The following PPIP5K2 variants were observed in gnomAD, a reference collection of about 807,000 sequenced individuals.
PPIP5K2 encodes the protein diphosphoinositol pentakisphosphate kinase 2.
A neutral mutation model predicts 154.6 loss-of-function variants in PPIP5K2; 105 were observed. The observed-to-expected ratio is 0.68, with a 90% CI of 0.58 to 0.80. The LOEUF (loss-of-function observed/expected upper bound fraction) is 0.80, where lower values mean the gene tolerates loss of function less well. Ranked by LOEUF, PPIP5K2 falls within the 30% of genes least tolerant of loss-of-function variation. The probability of loss-of-function intolerance (pLI) is 0.00; values close to 1 mark genes in which losing one functional copy is unlikely to be tolerated. For missense variants in PPIP5K2, 992 were observed against 1,504.6 expected (o/e 0.66, Z 5.64); for synonymous variants, 480 against 490.3 (o/e 0.98, Z 0.28).
intron 21 of PPIP5K2, among the ~76,000 whole-genome samples, chr5:103,175,641 A>G (rs2149714336): frequency 6.6e-6 from 1 of 152,226 alleles, no homozygotes; most frequent in Non-Finnish European, 1.5e-5. Flanking sequence ...TTGGGAAGCC[A>G]TTTAAAGGTT....
At chr5:103,133,322 CTTTG>C (rs1414226325) in intron 2 of PPIP5K2, 127 bp from the exon 3 acceptor site, 20 of 568,426 alleles carry the variant, frequency 3.5e-5, no homozygotes, top group Middle Eastern at 5.1e-4. Context: ...TTAAAAATTC[CTTTG>C]TTTGTTAATG....
chr5:103,183,943 CTAATT>C (rs531522923), intron 25 of PPIP5K2, among the ~76,000 whole-genome samples: 4 of 152,006 alleles, frequency 2.6e-5, no homozygotes, highest in Non-Finnish European at 5.9e-5. Flanking sequence ...TTGGAAGTAT[CTAATT>C]TAAGGAATAC....
intron 9 of PPIP5K2, among the ~76,000 whole-genome samples, chr5:103,152,260 A>G (rs1794749348): frequency 6.6e-6 from 1 of 151,972 alleles, no homozygotes; most frequent in Admixed American, 6.5e-5. Context: ...TGTTAAGATG[A>G]ACACAATATT....
Position 103,138,469 on chromosome 5 carries a change from GGTAAGA to G in PPIP5K2, c.487+8_487+13del. On this transcript the variant is annotated splice_donor_variant and splice_donor_5th_base_variant and intron_variant, in intron 5 of 30. Transcript: ENST00000358359. LOFTEE classifies it high-confidence loss of function. Reference sequence around the variant, plus strand: ...GAACCGTGACCCAAATAATCCCAAAGGTAAGAGTAAGAGATTTTAGGTAAGCTTCCT... The same window carrying G: ...GAACCGTGACCCAAATAATCCCAAAGGTAAGAGATTTTAGGTAAGCTTCCT... 1 of 1,588,892 alleles carries G rather than the reference GGTAAGA, an allele frequency of 6.3e-7. No homozygotes were observed. Among genetic ancestry groups the G allele is most frequent in the Non-Finnish European group, 8.6e-7 (1 of 1,160,878 alleles).
chr5:103,164,236 A>T (rs1796794138), intron 17 of PPIP5K2, among the ~76,000 whole-genome samples: 1 of 151,896 alleles, frequency 6.6e-6, no homozygotes, highest in African/African-American at 2.4e-5. Flanking sequence ...TCATAACATT[A>T]TACTTTTTTC....
rs540915874 is a variant in PPIP5K2 at position 103,145,155 on chromosome 5, T to C, written c.488-1372T>C. Reference sequence around the variant, plus strand: ...AATGGCCAATAGGTATATGAAAATATGCTCAACGTCACCAATCATCAGAGA... The same window carrying C: ...AATGGCCAATAGGTATATGAAAATACGCTCAACGTCACCAATCATCAGAGA... On this transcript the variant is annotated intron_variant, in intron 5 of 30. Coordinates refer to ENST00000358359, the MANE Select transcript of PPIP5K2 (RefSeq NM_001276277.3). Among the ~76,000 whole-genome samples, 4 of 152,232 alleles carry C rather than the reference T, an allele frequency of 2.6e-5. No homozygotes were observed. The South Asian group carries it at 8.3e-4, about 32-fold the overall frequency.
At chr5:103,136,951 A>G in intron 4 of PPIP5K2, 129 bp downstream of exon 4, 2 of 685,594 alleles carry the variant, frequency 2.9e-6, no homozygotes, top group East Asian at 2.5e-5. Context: ...ATACTCAGAA[A>G]TAGTTATTTA....
Position 103,206,441 on chromosome 5 carries a change from A to C in PPIP5K2, c.*4807A>C, listed in dbSNP as rs544193418. 6.6e-6 allele frequency: 1 copy of C among 152,048 alleles called. No individual in the cohort carries two copies. Among genetic ancestry groups the C allele is most frequent in the African/African-American group, 2.4e-5 (1 of 41,384 alleles). The allele number at this position is 152,048 out of a possible 1,614,324, so 9.4% of individuals were successfully genotyped here. On this transcript the variant is annotated 3_prime_UTR_variant, in exon 31 of 31. Coordinates refer to ENST00000358359, the MANE Select transcript of PPIP5K2 (RefSeq NM_001276277.3). The stretch of plus-strand genomic sequence containing the variant: ...ATTGAGCCAACTTCTTTGATCATCT[A>C]CTCACCCCTAGATAAATAGAATACT...
chr5:103,140,766 G>A (rs1400830843), intron 5 of PPIP5K2, among the ~76,000 whole-genome samples: 4 of 150,286 alleles, frequency 2.7e-5, no homozygotes, highest in African/African-American at 4.9e-5. Context: ...GAACCCGGAA[G>A]GCGGAGCTTG....
rs573029612 is a variant in PPIP5K2, at chr5:103,210,839, A to G, written c.*9205A>G. On this transcript the variant is annotated 3_prime_UTR_variant, in exon 31 of 31. Transcript: ENST00000358359. ...ATAGCTTTTTGTTATTATCCAGAAT[A>G]CATTTAGTTCTGGATTTTGTTTGAT... 3.9e-5 allele frequency: 6 copies of G among 152,282 alleles called. No homozygotes were observed. The South Asian group carries it at 6.2e-4, about 16-fold the overall frequency. 9.4% of individuals were successfully genotyped at this position (152,282 alleles called of 1,614,324 possible). A position where few individuals can be genotyped will look rare whatever the true frequency, so the allele number is the denominator to read the frequency against.
At chr5:103,131,322 A>G (rs561851930) in intron 2 of PPIP5K2, among the ~76,000 whole-genome samples, 126 of 152,290 alleles carry the variant, frequency 8.3e-4, no homozygotes, top group Non-Finnish European at 1.6e-3. Context: ...AATCATCCCT[A>G]AATTACTTAT....
intron 18 of PPIP5K2, among the ~76,000 whole-genome samples, chr5:103,167,834 C>G (rs143159390): frequency 6.6e-6 from 1 of 151,928 alleles, no homozygotes; most frequent in East Asian, 1.9e-4. Context: ...AAAATTGTTG[C>G]TCTTTTTCTT....
intron 17 of PPIP5K2, 106 bp from the exon 18 acceptor site, chr5:103,167,073 G>A (rs1401965336): frequency 2.4e-6 from 2 of 846,100 alleles, no homozygotes; most frequent in Non-Finnish European, 1.7e-6. Flanking sequence ...TTTAATTTCT[G>A]CTATGGAATT....
rs544122017 is a variant in PPIP5K2 at position 103,120,359 on chromosome 5, C to T, written c.-414C>T. 4.4e-6 allele frequency: 2 copies of T among 455,132 alleles called. No homozygotes were observed. Among genetic ancestry groups the T allele is most frequent in the African/African-American group, 2.0e-5 (1 of 50,152 alleles). 28.2% of individuals were successfully genotyped at this position (455,132 alleles called of 1,614,324 possible). On this transcript the variant is annotated 5_prime_UTR_variant, in exon 1 of 31. In the 5' UTR this introduces an upstream ATG that the reference lacks. Transcript: ENST00000358359. Reference sequence around the variant, plus strand: ...AGCTGTTACTGAAGGAAGTAGCCTACGTCCACGCCTACAACTGAAGTCTCT... The same window carrying T: ...AGCTGTTACTGAAGGAAGTAGCCTATGTCCACGCCTACAACTGAAGTCTCT...
intron 27 of PPIP5K2, 132 bp downstream of exon 27, chr5:103,186,571 T>G (rs1800419456): frequency 1.6e-6 from 2 of 1,251,958 alleles, no homozygotes. Context: ...CCTAAATGAC[T>G]ATCAGTGCTC....
At chr5:103,130,955 T>G (rs1369972954) in intron 2 of PPIP5K2, among the ~76,000 whole-genome samples, 2 of 152,154 alleles carry the variant, frequency 1.3e-5, no homozygotes, top group Non-Finnish European at 2.9e-5. Context: ...ACATCAAAAT[T>G]TTTATTTCCA....
chr5:103,162,869 A>G (rs1259335274), intron 17 of PPIP5K2, among the ~76,000 whole-genome samples: 3 of 152,082 alleles, frequency 2.0e-5, no homozygotes, highest in Admixed American at 1.3e-4. Context: ...TGTGTGTGCT[A>G]TGAGCTAAGA....
In PPIP5K2 at chr5:103,146,571, G is replaced by A; in HGVS notation, c.532G>A (p.Glu178Lys). ...GGAAGATCATGTAGAAGTAAATGGG[G>A]AAGTTTTTCAAAAGCCATTTGTAGA... ...EGEDHVEVNG[E>K]VFQKPFVEKP... The change falls in exon 6 of 31, where the codon GAA becomes AAA. Residue 178 changes from glutamate to lysine, a missense_variant. By Grantham distance (56) the Glu-to-Lys change is moderately conservative. Transcript: ENST00000358359. 6.2e-7 allele frequency: 1 copy of A among 1,612,026 alleles called. No individual in the cohort carries two copies. Among genetic ancestry groups the A allele is most frequent in the South Asian group, 1.1e-5 (1 of 91,010 alleles).
At chr5:103,189,831 G>A (rs537775840) in intron 28 of PPIP5K2, among the ~76,000 whole-genome samples, 1 of 152,018 alleles carries the variant, frequency 6.6e-6, no homozygotes, top group East Asian at 1.9e-4. Context: ...ATGAGCACAC[G>A]CCTATTGAAG....
Sources: gnomAD v4.1 joint callset for allele counts (sites outside exome capture counted in the v4.1 genomes callset) on GRCh38, gnomAD v4.1.1 for gene constraint, MANE v1.5 for transcripts, NCBI Gene and HGNC (gene_info 2026-07-23, HGNC 2026-07-21) for gene names.